ADAMTS12: variants seen among roughly 807,000 people sequenced by gnomAD.
ADAMTS12 encodes the protein A disintegrin and metalloproteinase with thrombospondin motifs 12.
Under a neutral mutation model 167.8 loss-of-function variants are expected in ADAMTS12, and 118 were observed. That is an observed-to-expected ratio of 0.70 (90% CI 0.61 to 0.82). ADAMTS12 has a LOEUF of 0.82. Ranked by LOEUF, ADAMTS12 falls within the 40% of genes least tolerant of loss-of-function variation. The pLI, the probability that ADAMTS12 is intolerant of heterozygous loss-of-function variation, is 0.00. For missense variants in ADAMTS12, 1,916 were observed against 1,998.8 expected (o/e 0.96, Z 0.79); for synonymous variants, 704 against 716.9 (o/e 0.98, Z 0.29).
At chr5:33,826,508 A>G (rs1015473658) in intron 2 of ADAMTS12, among the ~76,000 whole-genome samples, 2 of 152,090 alleles carry the variant, frequency 1.3e-5, no homozygotes, top group Non-Finnish European at 2.9e-5. Flanking sequence ...GAACTCATGT[A>G]TATGCATGAA....
intron 2 of ADAMTS12, among the ~76,000 whole-genome samples, chr5:33,754,949 A>AT (rs1428021142): frequency 6.6e-6 from 1 of 152,214 alleles, no homozygotes; most frequent in Non-Finnish European, 1.5e-5. Context: ...ATTTTGAAGC[A>AT]TTATAAACAT....
rs141777209 is a variant in ADAMTS12 at position 33,717,050 on chromosome 5, A to G, written c.635-32995T>C. 2.0e-4 allele frequency among the ~76,000 whole-genome samples: 31 copies of G among 152,196 alleles called. 1 individual carries two copies. The highest frequency in any genetic ancestry group is 6.7e-4 in the African/African-American group (28 of 41,550). ...AGTAACAATTTTGATCCTACCCTAT[A>G]GAGTTATGACTCTATCAGTTTGGAA... On this transcript the variant is annotated intron_variant, in intron 3 of 23. Coordinates refer to ENST00000504830, the MANE Select transcript of ADAMTS12 (RefSeq NM_030955.4).
chr5:33,801,775 G>C (rs932796900), intron 2 of ADAMTS12, among the ~76,000 whole-genome samples: 3 of 152,178 alleles, frequency 2.0e-5, no homozygotes, highest in Admixed American at 6.5e-5. Flanking sequence ...AGAAAATGCC[G>C]TGAGGTTGAA....
At chr5:33,581,826 GTA>G (rs1747079253) in intron 18 of ADAMTS12, among the ~76,000 whole-genome samples, 1 of 152,126 alleles carries the variant, frequency 6.6e-6, no homozygotes, top group Non-Finnish European at 1.5e-5. Flanking sequence ...GGCCCTAATG[GTA>G]TCCACATCAA....
rs374963211 is a variant in ADAMTS12, at chr5:33,776,938, A to C, written c.490-25390T>G. ...TTAGAAAACCTAAAAGAAATGGATAAATTCCTAGAAACCTACAACCTGCCA... is the reference window on the plus strand; with the variant it reads ...TTAGAAAACCTAAAAGAAATGGATACATTCCTAGAAACCTACAACCTGCCA... On this transcript the variant is annotated intron_variant, in intron 2 of 23. Transcript: ENST00000504830. Among the ~76,000 whole-genome samples, 10 of 152,296 alleles carry C rather than the reference A, an allele frequency of 6.6e-5. No individual in the cohort carries two copies. The South Asian group carries it at 2.1e-3, about 32-fold the overall frequency.
At chr5:33,751,080 T>A in intron 3 of ADAMTS12, 1 of 427,756 alleles carries the variant, frequency 2.3e-6, no homozygotes. Context: ...TCCTGTAGAC[T>A]ATTCAGAAGA....
At chr5:33,595,238 C>G (rs1218837049) in intron 17 of ADAMTS12, among the ~76,000 whole-genome samples, 3 of 151,942 alleles carry the variant, frequency 2.0e-5, no homozygotes, top group African/African-American at 7.3e-5. Flanking sequence ...ATCTCTTGAA[C>G]CAATGTGATT....
At position 33,561,075 on chromosome 5, in the gene ADAMTS12, TC is replaced by T; in HGVS notation, c.4076del (p.Arg1359AsnfsTer42). The stretch of plus-strand genomic sequence containing the variant: ...AGCCAGCACAGGGACGGAGGTGGCA[TC>T]TTTTTGCAGGGTCAGGTCTCTGGAT... Reference protein sequence around the residue: ...AAIQRPDPAKRCHLRPCAGWK... With the variant: ...AAIQRPDPAKXCHLRPCAGWK... On this transcript the variant is annotated frameshift_variant, in exon 20 of 24. Transcript: ENST00000504830. LOFTEE classifies it high-confidence loss of function. The T allele has an allele frequency of 3.1e-6, 5 of 1,614,188 alleles. No individual in the cohort carries two copies. Among genetic ancestry groups the T allele is most frequent in the Non-Finnish European group, 4.2e-6 (5 of 1,180,032 alleles).
At position 33,616,031 on chromosome 5, in the gene ADAMTS12, T is replaced by A. The variant is rs1738990299; in HGVS notation, c.2185A>T (p.Ile729Leu). The change falls in exon 15 of 24, where the codon ATA (isoleucine) becomes TTA (leucine). Residue 729 changes from isoleucine to leucine, a missense_variant. Coordinates refer to ENST00000504830, the MANE Select transcript of ADAMTS12 (RefSeq NM_030955.4). ...IGLIPKGARD[I>L]RVMEIEGAGN... Reference sequence around the variant, plus strand: ...GCTCCCTCAATTTCCATCACTCTTATGTCCCTTGCTCCTTTTGGAATGAGC... The same window carrying A: ...GCTCCCTCAATTTCCATCACTCTTAAGTCCCTTGCTCCTTTTGGAATGAGC... The A allele has an allele frequency of 6.2e-7, 1 of 1,614,202 alleles. No homozygotes were observed. Among genetic ancestry groups the A allele is most frequent in the Non-Finnish European group, 8.5e-7 (1 of 1,180,014 alleles).
intron 5 of ADAMTS12, among the ~76,000 whole-genome samples, chr5:33,669,299 A>G (rs1341156633): frequency 6.6e-6 from 1 of 152,108 alleles, no homozygotes; most frequent in East Asian, 1.9e-4. Flanking sequence ...GTTCGTTGTA[A>G]TGATATCATC....
At position 33,576,233 on chromosome 5, in the gene ADAMTS12, T is replaced by G. The variant is rs1746706050; in HGVS notation, c.3793A>C (p.Asn1265His). 7.4e-6 allele frequency: 12 copies of G among 1,614,226 alleles called. No individual in the cohort carries two copies. The African/African-American group carries it at 1.2e-4, about 16-fold the overall frequency. ...TTTGGAAGTTTCAGGTGGTTACGGT[T>G]TGCCGTCTTTCCTGAGGGTTCTGGC... Reference protein sequence around the residue: ...HQPEPSGKTANRNHLKLPNNM... With the variant: ...HQPEPSGKTAHRNHLKLPNNM... The change falls in exon 19 of 24, where the codon AAC (asparagine) becomes CAC (histidine). Residue 1265 changes from asparagine to histidine, a missense_variant. Physicochemically the swap from Asn to His is moderately conservative, Grantham distance 68 (BLOSUM62 1). Coordinates refer to ENST00000504830, the MANE Select transcript of ADAMTS12 (RefSeq NM_030955.4).
At chr5:33,586,524 G>A (rs879723961) in intron 18 of ADAMTS12, among the ~76,000 whole-genome samples, 4 of 152,200 alleles carry the variant, frequency 2.6e-5, no homozygotes, top group Non-Finnish European at 4.4e-5. Flanking sequence ...CAACTTTTTG[G>A]TCTCTTGTTC....
At chr5:33,622,399 T>C (rs1739381128) in intron 14 of ADAMTS12, among the ~76,000 whole-genome samples, 1 of 152,194 alleles carries the variant, frequency 6.6e-6, no homozygotes, top group Non-Finnish European at 1.5e-5. Flanking sequence ...CTCATGCCTG[T>C]AATCCCAGCA....
chr5:33,813,302 T>A (rs768018431), intron 2 of ADAMTS12, among the ~76,000 whole-genome samples: 1 of 152,238 alleles, frequency 6.6e-6, no homozygotes, highest in African/African-American at 2.4e-5. Flanking sequence ...AATTCTCTGA[T>A]AACAACTTGT....
At chr5:33,751,248 G>T in intron 3 of ADAMTS12, 156 bp downstream of exon 3, 1 of 921,668 alleles carries the variant, frequency 1.1e-6, no homozygotes, top group Non-Finnish European at 1.6e-6. Context: ...TTTCTGGCAA[G>T]AGAATACAGA....
At chr5:33,671,092 T>A (rs1561206024) in intron 5 of ADAMTS12, among the ~76,000 whole-genome samples, 1 of 152,168 alleles carries the variant, frequency 6.6e-6, no homozygotes, top group Non-Finnish European at 1.5e-5. Context: ...TATATGACAT[T>A]CTTGAAATGA....
chr5:33,549,201 A>T lies in ADAMTS12; in HGVS notation c.4302+6T>A. 6.2e-7 allele frequency: 1 copy of T among 1,611,334 alleles called. No individual in the cohort carries two copies. Among genetic ancestry groups the T allele is most frequent in the African/African-American group, 1.3e-5 (1 of 74,924 alleles). On this transcript the variant is annotated splice_donor_region_variant and intron_variant, in intron 21 of 23. Coordinates refer to ENST00000504830, the MANE Select transcript of ADAMTS12 (RefSeq NM_030955.4). ...GAGGACATCTCTCCCTTTGTGGGGG[A>T]CCTACCTGGCTCCAAGGCTCCACCT...
At chr5:33,768,033 T>G (rs1745602439) in intron 2 of ADAMTS12, among the ~76,000 whole-genome samples, 2 of 152,120 alleles carry the variant, frequency 1.3e-5, no homozygotes, top group Admixed American at 1.3e-4. Flanking sequence ...TGGCACATAT[T>G]TTTTCTAAAA....
chr5:33,577,512 T>A (rs1300125368), intron 18 of ADAMTS12, among the ~76,000 whole-genome samples: 2 of 152,200 alleles, frequency 1.3e-5, no homozygotes, highest in Non-Finnish European at 2.9e-5. Flanking sequence ...AGTCACACTG[T>A]CTCTTTTCTG....
Sources: allele counts gnomAD v4.1 joint callset (sites outside exome capture counted in the v4.1 genomes callset), GRCh38; gene constraint gnomAD v4.1.1; transcripts MANE v1.5; gene names NCBI Gene and HGNC (gene_info 2026-07-23, HGNC 2026-07-21).